The following ASPRV1 variants were observed in gnomAD, a reference collection of about 807,000 sequenced individuals.
The protein encoded by ASPRV1 is retroviral-like aspartic protease 1.
Under a neutral mutation model 11.0 loss-of-function variants are expected in ASPRV1, and 7 were observed. That is an observed-to-expected ratio of 0.64 (90% confidence interval 0.36 to 1.20). ASPRV1 has a LOEUF of 1.20. Among genes scored for constraint, ASPRV1 ranks in the 50% most tolerant of loss-of-function variants. The probability of loss-of-function intolerance (pLI) is 0.02; values close to 1 mark genes in which losing one functional copy is unlikely to be tolerated. For missense variants in ASPRV1, 299 were observed against 320.0 expected (o/e 0.93, Z 0.50); for synonymous variants, 136 against 138.4 (o/e 0.98, Z 0.12).
the ASPRV1 span, among the ~76,000 whole-genome samples, chr2:69,991,094 C>T: frequency 2.0e-5 from 3 of 152,212 alleles, no homozygotes; most frequent in Non-Finnish European, 4.4e-5. Flanking sequence ...TCTCCTCTGG[C>T]TAACAGCCCC....
the ASPRV1 span, chr2:69,998,138 G>GAA: frequency 2.8e-4 from 39 of 139,420 alleles, no homozygotes; most frequent in Admixed American, 7.1e-4. Flanking sequence ...GATAGTTCTA[G>GAA]AAAAAAAAAA....
At chr2:70,003,911 T>C in the ASPRV1 span, among the ~76,000 whole-genome samples, 1 of 152,222 alleles carries the variant, frequency 6.6e-6, no homozygotes, top group Non-Finnish European at 1.5e-5. Flanking sequence ...CCTTTCCACC[T>C]TCCACCATGG....
the ASPRV1 span, among the ~76,000 whole-genome samples, chr2:69,937,751 A>G: frequency 1.3e-5 from 2 of 152,204 alleles, no homozygotes; most frequent in Admixed American, 1.3e-4. Flanking sequence ...AGCAGCTGGG[A>G]TTACAGGCAC....
At chr2:69,968,126 T>C in the ASPRV1 span, among the ~76,000 whole-genome samples, 6 of 152,216 alleles carry the variant, frequency 3.9e-5, no homozygotes, top group African/African-American at 1.4e-4. Flanking sequence ...AGTTTTTTAA[T>C]AGGGAATAAA....
chr2:69,984,466 A>G, the ASPRV1 span, among the ~76,000 whole-genome samples: 4 of 152,354 alleles, frequency 2.6e-5, no homozygotes, highest in South Asian at 8.3e-4. Context: ...GAGTTCTACC[A>G]TGTGCTGAGA....
the ASPRV1 span, among the ~76,000 whole-genome samples, chr2:69,948,574 C>G: frequency 6.6e-6 from 1 of 152,192 alleles, no homozygotes; most frequent in Non-Finnish European, 1.5e-5. Flanking sequence ...GTGGAGGCTC[C>G]GGGCTGGCTG....
chr2:69,983,129 G>A, the ASPRV1 span, among the ~76,000 whole-genome samples: 1 of 152,140 alleles, frequency 6.6e-6, no homozygotes, highest in Non-Finnish European at 1.5e-5. Flanking sequence ...ATGTTGGCCA[G>A]GTCGGTCTTG....
chr2:69,977,406 G>A, the ASPRV1 span, among the ~76,000 whole-genome samples: 3 of 152,264 alleles, frequency 2.0e-5, no homozygotes, highest in South Asian at 2.1e-4. Flanking sequence ...TTGCAGGTGC[G>A]ATTCCTGCTT....
the ASPRV1 span, among the ~76,000 whole-genome samples, chr2:70,066,594 C>T: frequency 1.3e-5 from 2 of 151,314 alleles, no homozygotes; most frequent in African/African-American, 4.9e-5. Context: ...ATCATTCTTA[C>T]ATTTTACTTT....
the ASPRV1 span, chr2:70,056,722 TGC>T: frequency 1.9e-3 from 2 of 1,030 alleles, no homozygotes; most frequent in Non-Finnish European, 4.7e-3. Context: ...TTTTTACAAC[TGC>T]TTTTGTTTTG....
chr2:69,999,131 C>T, the ASPRV1 span, among the ~76,000 whole-genome samples: 2 of 152,112 alleles, frequency 1.3e-5, no homozygotes, highest in South Asian at 2.1e-4. Context: ...GGTTTCACTA[C>T]GTAGCCCAGG....
chr2:70,029,567 C>T, the ASPRV1 span, among the ~76,000 whole-genome samples: 6 of 152,012 alleles, frequency 3.9e-5, no homozygotes, highest in African/African-American at 9.7e-5. Flanking sequence ...TGAACCCAGG[C>T]AGCAGAAGTT....
At chr2:69,996,410 T>C in the ASPRV1 span, among the ~76,000 whole-genome samples, 2 of 151,800 alleles carry the variant, frequency 1.3e-5, no homozygotes, top group Non-Finnish European at 2.9e-5. Context: ...AATTCAATTT[T>C]AATTCATTAA....
chr2:69,973,532 G>A, the ASPRV1 span, among the ~76,000 whole-genome samples: 1 of 152,116 alleles, frequency 6.6e-6, no homozygotes, highest in East Asian at 1.9e-4. Flanking sequence ...ATTTTTTGTA[G>A]AGAACTGGTT....
At chr2:70,038,452 A>C in the ASPRV1 span, among the ~76,000 whole-genome samples, 1 of 152,126 alleles carries the variant, frequency 6.6e-6, no homozygotes, top group Non-Finnish European at 1.5e-5. Flanking sequence ...GGTGGTGATC[A>C]CCTGTAAGTG....
At chr2:69,936,751 A>G in the ASPRV1 span, among the ~76,000 whole-genome samples, 1,155 of 152,328 alleles carry the variant, frequency 7.6e-3, 17 homozygotes, top group African/African-American at 0.025. Context: ...CCTGCTAACA[A>G]ACAGAAGTTA....
downstream of ASPRV1, among the ~76,000 whole-genome samples, chr2:69,959,687 T>C (rs561104757): frequency 2.6e-5 from 4 of 152,306 alleles, no homozygotes; most frequent in East Asian, 7.7e-4. Context: ...GGCCCTGCTT[T>C]CTGCCTCCAA....
At chr2:69,971,534 C>G in the ASPRV1 span, among the ~76,000 whole-genome samples, 1 of 152,174 alleles carries the variant, frequency 6.6e-6, no homozygotes, top group Admixed American at 6.5e-5. Context: ...ACATACTTTA[C>G]TATTTAAAAA....
chr2:69,966,719 G>T, the ASPRV1 span, among the ~76,000 whole-genome samples: 1 of 152,174 alleles, frequency 6.6e-6, no homozygotes, highest in Admixed American at 6.5e-5. Flanking sequence ...TACCTCAAAG[G>T]CAGCTTTGAA....
Sources: gnomAD v4.1 joint callset for allele counts (sites outside exome capture counted in the v4.1 genomes callset) on GRCh38, gnomAD v4.1.1 for gene constraint, MANE v1.5 for transcripts, NCBI Gene and HGNC (gene_info 2026-07-23, HGNC 2026-07-21) for gene names.